RB1CC1: variants seen among roughly 807,000 people sequenced by gnomAD.
The protein encoded by RB1CC1 is RB1-inducible coiled-coil protein 1.
Under a neutral mutation model 177.5 loss-of-function variants are expected in RB1CC1, and 46 were observed. The ratio of observed to expected loss-of-function variants is 0.26; its 90% CI spans 0.20 to 0.33. The LOEUF (loss-of-function observed/expected upper bound fraction) is 0.33, where lower values mean the gene tolerates loss of function less well. Among genes scored for constraint, RB1CC1 ranks in the 10% least tolerant of loss-of-function variants. RB1CC1 has a pLI of 1.00. For synonymous variants in RB1CC1, 666 were observed against 613.6 expected (o/e 1.09, Z -1.26); for missense variants, 1,703 against 1,816.3 (o/e 0.94, Z 1.13).
intron 1 of RB1CC1, among the ~76,000 whole-genome samples, chr8:52,697,135 A>C (rs2150668000): frequency 6.6e-6 from 1 of 152,326 alleles, no homozygotes; most frequent in African/African-American, 2.4e-5. Context: ...ACCTCTGAAA[A>C]AGTAAACCTG....
At position 52,701,008 on chromosome 8, in the gene RB1CC1, CAAGT is replaced by C. The variant is rs564059105; in HGVS notation, c.-167+13063_-167+13066del. Among the ~76,000 whole-genome samples, 8 of 152,276 alleles carry C rather than the reference CAAGT, an allele frequency of 5.3e-5. No homozygotes were observed. In the South Asian group the frequency reaches 1.7e-3, roughly 32 times the overall value. Reference sequence around the variant, plus strand: ...AAGTGCCTAATTACTAAAGATTCTACAAGTAAGTTGTATAAATTGGACTCTCAAG... The same window carrying C: ...AAGTGCCTAATTACTAAAGATTCTACAAGTTGTATAAATTGGACTCTCAAG... On this transcript the variant is annotated intron_variant, in intron 1 of 23. Coordinates refer to ENST00000025008, the MANE Select transcript of RB1CC1 (RefSeq NM_014781.5).
chr8:52,656,476 T>A lies in RB1CC1; in HGVS notation c.3353A>T (p.Tyr1118Phe), dbSNP rs1038484461. ...NQKIQDNNEN[Y>F]QVGLAELRTL... The stretch of plus-strand genomic sequence containing the variant: ...TCTTAGCTCTGCTAAGCCCACCTGA[T>A]AATTTTCATTATTATCCTGAATCTT... The change falls in exon 15 of 24, where the codon TAT becomes TTT. Residue 1118 changes from tyrosine (Y) to phenylalanine (F), a missense_variant. Tyr to Phe is a conservative substitution (Grantham distance 22). This residue lies in a region of RB1CC1 where 1,169 missense variants were observed against 1,184.7 expected (regional missense o/e 0.99). Transcript: ENST00000025008. 5 of 1,611,478 alleles carry A rather than the reference T, an allele frequency of 3.1e-6. No homozygotes were observed. Among genetic ancestry groups the A allele is most frequent in the Non-Finnish European group, 3.4e-6 (4 of 1,179,744 alleles).
chr8:52,623,634 T>C lies in RB1CC1; in HGVS notation c.*148A>G, dbSNP rs772628771. The C allele has an allele frequency of 9.5e-5, 65 of 682,704 alleles. No individual in the cohort carries two copies. Among genetic ancestry groups the C allele is most frequent in the Non-Finnish European group, 1.7e-4 (64 of 369,494 alleles). The allele number at this position is 682,704 out of a possible 1,614,324, so 42.3% of individuals were successfully genotyped here. On this transcript the variant is annotated 3_prime_UTR_variant, in exon 24 of 24. Transcript: ENST00000025008. The stretch of plus-strand genomic sequence containing the variant: ...TTTATTATTCCTAAAATGAAGCCAG[T>C]TAAAAAGTAAACGATGTACACCAGT...
At chr8:52,658,668 A>C (rs539396911) in intron 13 of RB1CC1, among the ~76,000 whole-genome samples, 14 of 152,020 alleles carry the variant, frequency 9.2e-5, no homozygotes, top group South Asian at 2.1e-4. Flanking sequence ...ATTACATGTA[A>C]GGCATGTCTT....
At chr8:52,625,915 C>T (rs1848356019) in intron 22 of RB1CC1, among the ~76,000 whole-genome samples, 1 of 152,050 alleles carries the variant, frequency 6.6e-6, no homozygotes. Flanking sequence ...ATTTTTATTC[C>T]ATACAAATAA....
chr8:52,656,826 T>C lies in RB1CC1; in HGVS notation c.3003A>G (p.Gln1001=). 5 of 1,613,868 alleles carry C rather than the reference T, an allele frequency of 3.1e-6. No individual in the cohort carries two copies. The highest frequency in any genetic ancestry group is 4.2e-6 in the Non-Finnish European group (5 of 1,179,980). The part of the protein sequence containing the change: ...LEDTLQVRHI[Q]EFEKVMTDHR... ...GGTCTGTCATAACCTTCTCAAACTCTTGTATGTGCCTAACCTGAAGTGTGT... is the reference window on the plus strand; with the variant it reads ...GGTCTGTCATAACCTTCTCAAACTCCTGTATGTGCCTAACCTGAAGTGTGT... Residue 1001 remains glutamine (Q), a synonymous_variant, in exon 15 of 24, where the codon CAA becomes CAG. Transcript: ENST00000025008.
rs1260610766 is a variant in RB1CC1, at chr8:52,656,006, A to T, written c.3821+2T>A. On this transcript the variant is annotated splice_donor_variant, in intron 15 of 23. Coordinates refer to ENST00000025008, the MANE Select transcript of RB1CC1 (RefSeq NM_014781.5). LOFTEE classifies it high-confidence loss of function. ...TAATTACAGACTAAACTTAATTCTT[A>T]CCTTTTTGCTATTTGATTCTCAAGA... 1 of 1,584,728 alleles carries T rather than the reference A, an allele frequency of 6.3e-7. No individual in the cohort carries two copies. Among genetic ancestry groups the T allele is most frequent in the Non-Finnish European group, 8.6e-7 (1 of 1,159,120 alleles).
chr8:52,681,746 C>T (rs530547482), intron 5 of RB1CC1, among the ~76,000 whole-genome samples: 24 of 152,286 alleles, frequency 1.6e-4, no homozygotes, highest in Admixed American at 5.2e-4. Context: ...ACCTCGGCAA[C>T]GCAGTGAGAT....
At chr8:52,655,939 A>G in intron 15 of RB1CC1, 69 bp downstream of exon 15, 1 of 1,212,648 alleles carries the variant, frequency 8.2e-7, no homozygotes, top group Non-Finnish European at 1.1e-6. Context: ...AAATCAAGGT[A>G]CTGTGATTAC....
chr8:52,698,185 T>C (rs913371160), intron 1 of RB1CC1, among the ~76,000 whole-genome samples: 5 of 152,040 alleles, frequency 3.3e-5, no homozygotes, highest in Admixed American at 2.0e-4. Context: ...CAAGCAATCC[T>C]CCCACTTAAG....
intron 1 of RB1CC1, among the ~76,000 whole-genome samples, chr8:52,696,201 C>T (rs771028130): frequency 7.2e-5 from 11 of 152,124 alleles, no homozygotes; most frequent in Admixed American, 3.3e-4. Flanking sequence ...CCCACCACCA[C>T]GCCCGGCTAA....
In RB1CC1 at chr8:52,672,715, G is replaced by A. The variant is rs764359741; in HGVS notation, c.1002+1130C>T. ...AGCTATAATCATGCCACTGTACTCCGGCCTGGGCGACAGAGTGAGACCCTA... is the reference window on the plus strand; with the variant it reads ...AGCTATAATCATGCCACTGTACTCCAGCCTGGGCGACAGAGTGAGACCCTA... On this transcript the variant is annotated intron_variant, in intron 7 of 23. Transcript: ENST00000025008. Among the ~76,000 whole-genome samples, 23 of 152,034 alleles carry A rather than the reference G, an allele frequency of 1.5e-4. 1 individual carries two copies. The highest frequency in any genetic ancestry group is 2.2e-4 in the Non-Finnish European group (15 of 67,974).
At chr8:52,640,934 C>T (rs1217193544) in intron 18 of RB1CC1, among the ~76,000 whole-genome samples, 4 of 152,072 alleles carry the variant, frequency 2.6e-5, no homozygotes, top group Non-Finnish European at 5.9e-5. Flanking sequence ...AAACAAAAAA[C>T]TCCCCTACCA....
At chr8:52,664,375 T>C (rs753445410) in intron 8 of RB1CC1, among the ~76,000 whole-genome samples, 4 of 152,154 alleles carry the variant, frequency 2.6e-5, no homozygotes, top group Admixed American at 6.6e-5. Context: ...AAAATATCCA[T>C]TGGAGAACTT....
intron 1 of RB1CC1, among the ~76,000 whole-genome samples, chr8:52,688,824 G>A (rs958266580): frequency 7.9e-5 from 12 of 152,070 alleles, no homozygotes; most frequent in South Asian, 2.1e-4. Context: ...CGCCCCCGGC[G>A]GCCCAGCTGT....
chr8:52,664,518 C>T (rs988862140), intron 8 of RB1CC1, among the ~76,000 whole-genome samples: 2 of 152,038 alleles, frequency 1.3e-5, no homozygotes, highest in African/African-American at 2.4e-5. Flanking sequence ...CATGAGCTAC[C>T]ATAGTTTAAA....
chr8:52,697,279 T>A (rs1855503673), intron 1 of RB1CC1, among the ~76,000 whole-genome samples: 1 of 149,192 alleles, frequency 6.7e-6, no homozygotes, highest in Admixed American at 6.6e-5. Context: ...ACTCTGTTTC[T>A]TCAACAAATG....
intron 11 of RB1CC1, 57 bp downstream of exon 11, chr8:52,660,869 G>T: frequency 7.0e-7 from 1 of 1,438,554 alleles, no homozygotes. Context: ...GAAAATCCAA[G>T]CTTATAAAAA....
chr8:52,641,748 GC>G (rs753823905), intron 18 of RB1CC1, among the ~76,000 whole-genome samples: 9 of 152,078 alleles, frequency 5.9e-5, no homozygotes, highest in Non-Finnish European at 1.2e-4. Context: ...TCCCAGAGGT[GC>G]AACTAGAAAT....
Sources: allele counts gnomAD v4.1 joint callset (sites outside exome capture counted in the v4.1 genomes callset), GRCh38; gene constraint gnomAD v4.1.1; regional missense constraint gnomAD v4.1.1; transcripts MANE v1.5; gene names NCBI Gene and HGNC (gene_info 2026-07-23, HGNC 2026-07-21).